The following USO1 variants were observed in gnomAD, a reference collection of about 807,000 sequenced individuals.
The protein encoded by USO1 is USO1 vesicle transport factor, also known as general vesicular transport factor p115.
USO1 carries 57 observed loss-of-function variants against 124.5 expected under a neutral mutation model. That is an observed-to-expected ratio of 0.46 (90% CI 0.37 to 0.57). The LOEUF (loss-of-function observed/expected upper bound fraction) is 0.57. Among genes scored for constraint, USO1 ranks in the 20% least tolerant of loss-of-function variants. USO1 has a pLI of 0.00. For missense variants in USO1, 900 were observed against 1,040.6 expected (o/e 0.86, Z 1.86); for synonymous variants, 369 against 362.8 (o/e 1.02, Z -0.19).
intron 4 of USO1, among the ~76,000 whole-genome samples, chr4:75,764,728 A>ATT (rs1172825587): frequency 6.6e-6 from 1 of 152,168 alleles, no homozygotes; most frequent in Non-Finnish European, 1.5e-5. Flanking sequence ...GCCCAAGGGC[A>ATT]TTGTCTATCT....
At chr4:75,734,914 A>G (rs1720745874) in intron 1 of USO1, among the ~76,000 whole-genome samples, 1 of 151,328 alleles carries the variant, frequency 6.6e-6, no homozygotes, top group Admixed American at 6.6e-5. Context: ...TTTTTAGTAG[A>G]AACAGGGTTT....
chr4:75,748,538 T>G (rs954597386), intron 1 of USO1, among the ~76,000 whole-genome samples: 1 of 152,186 alleles, frequency 6.6e-6, no homozygotes, highest in African/African-American at 2.4e-5. Context: ...TTGAACAGCT[T>G]TTATATTTCT....
At chr4:75,791,256 G>T (rs913772117) in intron 12 of USO1, among the ~76,000 whole-genome samples, 1 of 152,204 alleles carries the variant, frequency 6.6e-6, no homozygotes, top group Non-Finnish European at 1.5e-5. Context: ...AGGTGCGGTG[G>T]CTCACGCCCG....
At chr4:75,735,327 G>A (rs1024245776) in intron 1 of USO1, among the ~76,000 whole-genome samples, 1 of 152,090 alleles carries the variant, frequency 6.6e-6, no homozygotes, top group Non-Finnish European at 1.5e-5. Context: ...TCAGCTCTAG[G>A]TGCCTTTTAG....
chr4:75,740,590 G>A (rs1720932111), intron 1 of USO1, among the ~76,000 whole-genome samples: 1 of 152,202 alleles, frequency 6.6e-6, no homozygotes. Context: ...CCTGGCCTAG[G>A]AGCAGTGGTT....
chr4:75,762,115 GA>G (rs1335482038), intron 4 of USO1, among the ~76,000 whole-genome samples: 1 of 150,820 alleles, frequency 6.6e-6, no homozygotes, highest in Non-Finnish European at 1.5e-5. Flanking sequence ...GAAGCCCAGA[GA>G]TGATGTAACT....
intron 14 of USO1, 59 bp downstream of exon 14, chr4:75,799,791 C>T (rs1311384520): frequency 1.4e-5 from 23 of 1,588,202 alleles, no homozygotes; most frequent in Non-Finnish European, 1.7e-5. Context: ...TAGTTTTTCT[C>T]CTCAATTAGA....
At chr4:75,791,363 A>G (rs2149182102) in intron 12 of USO1, among the ~76,000 whole-genome samples, 1 of 152,288 alleles carries the variant, frequency 6.6e-6, no homozygotes, top group Non-Finnish European at 1.5e-5. Context: ...GTCTCTACTA[A>G]AAATACAAAA....
At chr4:75,803,824 T>A (rs1241105940) in intron 17 of USO1, among the ~76,000 whole-genome samples, 4 of 152,082 alleles carry the variant, frequency 2.6e-5, no homozygotes, top group African/African-American at 9.7e-5. Flanking sequence ...TTAAATAGTT[T>A]GATGTAAATT....
chr4:75,793,737 T>C lies in USO1; in HGVS notation c.1288T>C (p.Phe430Leu), dbSNP rs1353820272. The change falls in exon 13 of 24, where the codon TTT (phenylalanine) becomes CTT (leucine). Residue 430 changes from phenylalanine to leucine, a missense_variant. Around this residue, in one of 2 missense-constraint regions of USO1, gnomAD observed 538 missense variants for 681.6 expected, o/e 0.79. Transcript: ENST00000514213. ...TGGCCAGTTATTATGTGGAGGTTTG[T>C]TTTCTACTGATTCACTTTCAAACTG... ...SAGQLLCGGL[F>L]STDSLSNWCA... is the part of the protein sequence containing the mutation. 1 of 1,613,194 alleles carries C rather than the reference T, an allele frequency of 6.2e-7. No individual in the cohort carries two copies. The highest frequency in any genetic ancestry group is 8.5e-7 in the Non-Finnish European group (1 of 1,179,488).
rs547847904 is a variant in USO1, at chr4:75,761,008, G to A, written c.295+3435G>A. Among the ~76,000 whole-genome samples the A allele has an allele frequency of 1.4e-3, 212 of 152,236 alleles. 1 individual carries two copies. The highest frequency in any genetic ancestry group is 2.1e-3 in the Non-Finnish European group (144 of 68,006). ...CTAAAAATATAAAAATTAGCCAGGT[G>A]TGGTGGCTGGTGCCTGTAATCCCAG... On this transcript the variant is annotated intron_variant, in intron 4 of 23. Coordinates refer to ENST00000514213, the MANE Select transcript of USO1 (RefSeq NM_003715.4).
At chr4:75,741,808 TG>T (rs1404840569) in intron 1 of USO1, among the ~76,000 whole-genome samples, 1 of 152,086 alleles carries the variant, frequency 6.6e-6, no homozygotes, top group African/African-American at 2.4e-5. Context: ...TTCACCATGT[TG>T]GCCAGGCTGG....
rs1220738470 is a variant in USO1 at position 75,789,969 on chromosome 4, A to T, written c.997-181A>T. ...TGAATTTTGGCACTTAAAAAGTGGGATATAAGATTTTTTTTCATGTATACA... is the reference window on the plus strand; with the variant it reads ...TGAATTTTGGCACTTAAAAAGTGGGTTATAAGATTTTTTTTCATGTATACA... On this transcript the variant is annotated intron_variant, in intron 10 of 23. Transcript: ENST00000514213. Among the ~76,000 whole-genome samples, 3 of 151,954 alleles carry T rather than the reference A, an allele frequency of 2.0e-5. No homozygotes were observed. In the East Asian group the frequency reaches 5.8e-4, roughly 29 times the overall value.
intron 1 of USO1, among the ~76,000 whole-genome samples, chr4:75,749,359 T>C (rs972243527): frequency 3.3e-5 from 5 of 152,048 alleles, no homozygotes; most frequent in Admixed American, 2.6e-4. Context: ...AAAATCTTAA[T>C]GTACAGAATC....
rs1723206931 is a variant in USO1, at chr4:75,813,434, G to A, written c.*139G>A. On this transcript the variant is annotated 3_prime_UTR_variant, in exon 24 of 24. Coordinates refer to ENST00000514213, the MANE Select transcript of USO1 (RefSeq NM_003715.4). The stretch of plus-strand genomic sequence containing the variant: ...CTATTAAGACTATTGATATATTTTT[G>A]TAATGTTGCCACCCATGTTGAAAAC... The A allele has an allele frequency of 2.2e-6, 2 of 913,906 alleles. No homozygotes were observed. Among genetic ancestry groups the A allele is most frequent in the Non-Finnish European group, 3.0e-6 (2 of 674,626 alleles). 56.6% of individuals were successfully genotyped at this position (913,906 alleles called of 1,614,324 possible). A position where few individuals can be genotyped will look rare whatever the true frequency, so the allele number is the denominator to read the frequency against.
chr4:75,736,546 A>T (rs1157995281), intron 1 of USO1, among the ~76,000 whole-genome samples: 1 of 151,938 alleles, frequency 6.6e-6, no homozygotes, highest in African/African-American at 2.4e-5. Flanking sequence ...CATGTGATCC[A>T]CCCACCTTGG....
chr4:75,781,770 AT>A (rs1398188195), intron 8 of USO1, among the ~76,000 whole-genome samples: 2 of 150,118 alleles, frequency 1.3e-5, no homozygotes, highest in South Asian at 2.1e-4. Flanking sequence ...TAAAAAAAAA[AT>A]AATTTATTTT....
chr4:75,813,389 A>T lies in USO1; in HGVS notation c.*94A>T. The T allele has an allele frequency of 7.6e-7, 1 of 1,323,698 alleles. No individual in the cohort carries two copies. The highest frequency in any genetic ancestry group is 2.7e-5 in the East Asian group (1 of 36,856). The allele number at this position is 1,323,698 out of a possible 1,614,324, so 82.0% of individuals were successfully genotyped here. A position where few individuals can be genotyped will look rare whatever the true frequency, so the allele number is the denominator to read the frequency against. On this transcript the variant is annotated 3_prime_UTR_variant, in exon 24 of 24. Transcript: ENST00000514213. ...CCTCCATGGAAAATAAAGATTTAGA[A>T]ACCAGGTGGAAAACATTCACTATTA... is the stretch of plus-strand genomic sequence containing the variant.
At chr4:75,793,440 C>T (rs1010339019) in intron 12 of USO1, among the ~76,000 whole-genome samples, 8 of 152,094 alleles carry the variant, frequency 5.3e-5, no homozygotes, top group Admixed American at 4.6e-4. Context: ...CCACCATGCC[C>T]AGCCTCCACC....
Sources: allele counts gnomAD v4.1 joint callset (sites outside exome capture counted in the v4.1 genomes callset), GRCh38; gene constraint gnomAD v4.1.1; regional missense constraint gnomAD v4.1.1; transcripts MANE v1.5; gene names NCBI Gene and HGNC (gene_info 2026-07-23, HGNC 2026-07-21).